The following MGAM variants were observed in gnomAD, a reference collection of about 807,000 sequenced individuals.
MGAM encodes the protein maltase-glucoamylase.
MGAM carries 253 observed loss-of-function variants against 358.8 expected under a neutral mutation model. That is an observed-to-expected ratio of 0.71 (90% CI 0.64 to 0.78). The LOEUF (loss-of-function observed/expected upper bound fraction) is 0.78, where lower values mean the gene tolerates loss of function less well. Ranked by LOEUF, MGAM falls within the 30% of genes least tolerant of loss-of-function variation. The pLI, the probability that MGAM is intolerant of heterozygous loss-of-function variation, is 0.00. For missense variants in MGAM, 3,080 were observed against 3,432.6 expected (o/e 0.90, Z 2.57); for synonymous variants, 1,105 against 1,227.1 (o/e 0.90, Z 2.08).
intron 63 of MGAM, among the ~76,000 whole-genome samples, chr7:142,095,172 C>T (rs1313580497): frequency 2.0e-5 from 3 of 152,026 alleles, no homozygotes; most frequent in Admixed American, 6.6e-5. Context: ...GCCATATTTC[C>T]CAAGCTTGTC....
chr7:142,041,920 T>A lies in MGAM; in HGVS notation c.2498+1074T>A, dbSNP rs1410573761. ...AATATATATATTATATATATACGTA[T>A]AATATATAATATATATATTATATAT... On this transcript the variant is annotated intron_variant, in intron 21 of 70. Transcript: ENST00000475668. 2.9e-4 allele frequency among the ~76,000 whole-genome samples: 6 copies of A among 20,612 alleles called. 1 individual carries two copies. The highest frequency in any genetic ancestry group is 2.0e-3 in the African/African-American group (6 of 2,958). The allele number at this position is 20,612 out of a possible 152,430, so 13.5% of individuals were successfully genotyped here.
intron 7 of MGAM, among the ~76,000 whole-genome samples, chr7:142,023,022 T>G (rs1007370620): frequency 4.6e-5 from 7 of 152,174 alleles, no homozygotes; most frequent in African/African-American, 1.7e-4. Context: ...TTTTCTGGAT[T>G]TGGCAATACT....
intron 26 of MGAM, among the ~76,000 whole-genome samples, chr7:142,053,389 G>C (rs531216041): frequency 5.2e-4 from 79 of 152,170 alleles, no homozygotes; most frequent in African/African-American, 1.8e-3. Context: ...GGAACATCAA[G>C]AATGATGACC....
chr7:142,060,200 A>G (rs200018384), intron 33 of MGAM, 111 bp from the exon 34 acceptor site: 1 of 1,440,686 alleles, frequency 6.9e-7, no homozygotes, highest in Non-Finnish European at 9.7e-7. Context: ...CCTATGTGAT[A>G]GTCAAAGTAT....
At position 142,066,622 on chromosome 7, in the gene MGAM, A is replaced by C. The variant is rs111404461; in HGVS notation, c.4820A>C (p.Asn1607Thr). The C allele has an allele frequency of 4.5e-3, 7,034 of 1,553,150 alleles. 572 individuals carry two copies. In the African/African-American group the frequency reaches 0.076, roughly 17 times the overall value. ...WDAAFVNISR[N>T]VLQTRYTLLP... ...GCTGCTTTTGTGAATATTTCCAGAAATGTCCTGCAGACCAGATACACCCTG... is the reference window on the plus strand; with the variant it reads ...GCTGCTTTTGTGAATATTTCCAGAACTGTCCTGCAGACCAGATACACCCTG... The change falls in exon 41 of 71, where the codon AAT becomes ACT. Residue 1607 changes from asparagine (N) to threonine (T), a missense_variant. Asn to Thr is a moderately conservative substitution (Grantham distance 65). Transcript: ENST00000475668.
chr7:142,095,803 A>T, intron 64 of MGAM, 90 bp downstream of exon 64: 1 of 1,557,144 alleles, frequency 6.4e-7, no homozygotes, highest in Non-Finnish European at 8.7e-7. Context: ...TAAAGACATG[A>T]TTGCCTTTTG....
chr7:142,055,735 A>G lies in MGAM; in HGVS notation c.3483+9A>G, dbSNP rs1489541544. The G allele has an allele frequency of 6.2e-6, 10 of 1,613,382 alleles. No homozygotes were observed. The highest frequency in any genetic ancestry group is 8.5e-6 in the Non-Finnish European group (10 of 1,179,560). Reference sequence around the variant, plus strand: ...GAGACCAGCCCCCAGGGGTAAGGACAGAGCATTTGGGATCTGTGTCTCTGC... The same window carrying G: ...GAGACCAGCCCCCAGGGGTAAGGACGGAGCATTTGGGATCTGTGTCTCTGC... On this transcript the variant is annotated intron_variant, in intron 28 of 70. Coordinates refer to ENST00000475668, the MANE Select transcript of MGAM (RefSeq NM_001365693.1).
At chr7:141,993,145 G>C (rs1382709268), upstream of MGAM, among the ~76,000 whole-genome samples, 1 of 152,132 alleles carries the variant, frequency 6.6e-6, no homozygotes. Flanking sequence ...ATTTTTGTTT[G>C]TATTTTCCAG....
intron 21 of MGAM, 145 bp from the exon 22 acceptor site, chr7:142,047,640 T>C: frequency 4.2e-6 from 3 of 718,192 alleles, no homozygotes; most frequent in South Asian, 1.6e-5. Flanking sequence ...GGGGCGCCTG[T>C]CAATTTTGTG....
chr7:142,017,337 A>G (rs2128992191), intron 3 of MGAM, among the ~76,000 whole-genome samples: 2 of 152,230 alleles, frequency 1.3e-5, no homozygotes, highest in African/African-American at 4.8e-5. Context: ...TATTCATGCC[A>G]TCATTTTCTG....
intron 57 of MGAM, among the ~76,000 whole-genome samples, chr7:142,090,312 T>C (rs1329407020): frequency 2.7e-5 from 4 of 145,726 alleles, no homozygotes; most frequent in African/African-American, 9.7e-5. Context: ...GATACAATTC[T>C]GACTCAGCTG....
At chr7:142,043,117 TATA>T (rs1416063846) in intron 21 of MGAM, among the ~76,000 whole-genome samples, 1 of 21,278 alleles carries the variant, frequency 4.7e-5, no homozygotes, top group Non-Finnish European at 7.1e-5. Context: ...AATATCTAAA[TATA>T]ATATATATAT....
intron 31 of MGAM, among the ~76,000 whole-genome samples, 172 bp downstream of exon 31, chr7:142,058,500 G>A (rs557835654): frequency 3.8e-4 from 58 of 152,286 alleles, no homozygotes; most frequent in South Asian, 1.5e-3. Context: ...ACTTGTTTCC[G>A]TCTTCCAGAG....
chr7:142,075,517 A>G lies in MGAM; in HGVS notation c.5276-686A>G, dbSNP rs1244592406. Among the ~76,000 whole-genome samples the G allele has an allele frequency of 2.0e-5, 3 of 146,700 alleles. 1 individual carries two copies. Among genetic ancestry groups the G allele is most frequent in the African/African-American group, 7.3e-5 (3 of 41,164 alleles). On this transcript the variant is annotated intron_variant, in intron 45 of 70. Transcript: ENST00000475668. Reference sequence around the variant, plus strand: ...GAAAAGGCAAACTACAGAATGGATAAAAATGTTTGCAAACCATATATCTCA... The same window carrying G: ...GAAAAGGCAAACTACAGAATGGATAGAAATGTTTGCAAACCATATATCTCA...
At chr7:142,029,000 G>A (rs968827138) in intron 10 of MGAM, among the ~76,000 whole-genome samples, 1 of 152,114 alleles carries the variant, frequency 6.6e-6, no homozygotes, top group East Asian at 1.9e-4. Flanking sequence ...GTGAACTCTC[G>A]TGGCAGGCAG....
intron 22 of MGAM, among the ~76,000 whole-genome samples, chr7:142,049,471 G>C (rs1033186156): frequency 1.3e-5 from 2 of 152,088 alleles, no homozygotes; most frequent in African/African-American, 4.8e-5. Context: ...AAACTAAAAG[G>C]CTTCTGCACA....
At position 142,075,952 on chromosome 7, in the gene MGAM, T is replaced by C. The variant is rs748084010; in HGVS notation, c.5276-251T>C. Among the ~76,000 whole-genome samples, 6 of 146,186 alleles carry C rather than the reference T, an allele frequency of 4.1e-5. 1 individual carries two copies. The highest frequency in any genetic ancestry group is 6.9e-5 in the Admixed American group (1 of 14,520). On this transcript the variant is annotated intron_variant, in intron 45 of 70. Coordinates refer to ENST00000475668, the MANE Select transcript of MGAM (RefSeq NM_001365693.1). The stretch of plus-strand genomic sequence containing the variant: ...CTTCTGGGTGTATATCCAGAGGACA[T>C]GAAACCAGTATCTTTAAGAGATATA...
At chr7:142,049,222 G>GTA (rs151086618) in intron 22 of MGAM, among the ~76,000 whole-genome samples, 3,363 of 152,044 alleles carry the variant, frequency 0.022, 136 homozygotes, top group African/African-American at 0.075. Context: ...ATATTCTATT[G>GTA]TATATATATA....
intron 21 of MGAM, among the ~76,000 whole-genome samples, chr7:142,047,006 G>A (rs757386457): frequency 2.6e-5 from 4 of 152,110 alleles, no homozygotes; most frequent in Non-Finnish European, 4.4e-5. Flanking sequence ...TGTTTTTGCT[G>A]ATAATAAAAA....
Sources: gnomAD v4.1 joint callset for allele counts (sites outside exome capture counted in the v4.1 genomes callset) on GRCh38, gnomAD v4.1.1 for gene constraint, MANE v1.5 for transcripts, NCBI Gene and HGNC (gene_info 2026-07-23, HGNC 2026-07-21) for gene names.